Variants in CALN1 observed in about 807,000 individuals in gnomAD.
The protein encoded by CALN1 is calcium-binding protein 8.
Under a neutral mutation model 30.6 loss-of-function variants are expected in CALN1, and 17 were observed. That is an observed-to-expected ratio of 0.56 (90% CI 0.38 to 0.83). The LOEUF (loss-of-function observed/expected upper bound fraction) is 0.83, where lower values mean the gene tolerates loss of function less well. Ranked by LOEUF, CALN1 falls within the 40% of genes least tolerant of loss-of-function variation. The pLI is 0.00. For missense variants in CALN1, 291 were observed against 354.9 expected (o/e 0.82, Z 1.45); for synonymous variants, 156 against 131.4 (o/e 1.19, Z -1.28).
chr7:71,880,117 A>T (rs1285450420), intron 5 of CALN1, among the ~76,000 whole-genome samples: 1 of 152,178 alleles, frequency 6.6e-6, no homozygotes, highest in Admixed American at 6.5e-5. Context: ...AGCCTGGGTG[A>T]TGGAGCAGGA....
chr7:72,143,887 T>C (rs1399912366), intron 3 of CALN1, among the ~76,000 whole-genome samples: 2 of 152,046 alleles, frequency 1.3e-5, no homozygotes, highest in African/African-American at 4.8e-5. Flanking sequence ...GCTTCATAAG[T>C]GAAGGAGAAA....
chr7:72,178,822 AC>A (rs138431042), intron 3 of CALN1, among the ~76,000 whole-genome samples: 24,365 of 152,186 alleles, frequency 0.16, 2,442 homozygotes, highest in East Asian at 0.29. Context: ...TCAGATTTAG[AC>A]CCCATTGAAA....
At chr7:72,237,310 G>C (rs918341132) in intron 3 of CALN1, among the ~76,000 whole-genome samples, 2 of 152,058 alleles carry the variant, frequency 1.3e-5, no homozygotes, top group Non-Finnish European at 2.9e-5. Context: ...ATACCGGTAA[G>C]GGAAGATCAA....
chr7:72,031,711 T>G (rs1801447685), intron 4 of CALN1, among the ~76,000 whole-genome samples: 1 of 151,124 alleles, frequency 6.6e-6, no homozygotes, highest in African/African-American at 2.4e-5. Context: ...AGGACCACAG[T>G]TATGTGCCAC....
intron 1 of CALN1, among the ~76,000 whole-genome samples, chr7:72,405,955 T>C (rs538280230): frequency 6.6e-6 from 1 of 152,164 alleles, no homozygotes; most frequent in South Asian, 2.1e-4. Flanking sequence ...GTCGCCAGGC[T>C]TCTGAGCCCA....
intron 3 of CALN1, among the ~76,000 whole-genome samples, chr7:72,151,039 C>G (rs140923260): frequency 1.1e-3 from 169 of 152,256 alleles, no homozygotes; most frequent in African/African-American, 3.7e-3. Context: ...TGCTATCTCC[C>G]TGGTTAGATT....
chr7:71,969,684 G>A lies in CALN1; in HGVS notation c.501+53973C>T, dbSNP rs533446248. 4.6e-5 allele frequency among the ~76,000 whole-genome samples: 7 copies of A among 152,266 alleles called. No homozygotes were observed. In the South Asian group the frequency reaches 6.2e-4, roughly 14 times the overall value. The stretch of plus-strand genomic sequence containing the variant: ...CTTAGGGAACAGGGAAGTTTATCCC[G>A]GAGAAGAGAAAGAGAGACAGTGAAA... On this transcript the variant is annotated intron_variant, in intron 5 of 6. Coordinates refer to ENST00000395275, the MANE Select transcript of CALN1 (RefSeq NM_031468.4).
At chr7:72,326,296 G>A (rs1402188824) in intron 2 of CALN1, among the ~76,000 whole-genome samples, 3 of 152,200 alleles carry the variant, frequency 2.0e-5, no homozygotes, top group African/African-American at 7.2e-5. Context: ...AAAGGATGAA[G>A]GCTTTAGCTA....
In CALN1 at chr7:72,166,840, C is replaced by G. The variant is rs747413661; in HGVS notation, c.245-60546G>C. Among the ~76,000 whole-genome samples, 22 of 152,118 alleles carry G rather than the reference C, an allele frequency of 1.4e-4. 1 individual carries two copies. Among genetic ancestry groups the G allele is most frequent in the Non-Finnish European group, 2.2e-4 (15 of 68,028 alleles). On this transcript the variant is annotated intron_variant, in intron 3 of 6. Coordinates refer to ENST00000395275, the MANE Select transcript of CALN1 (RefSeq NM_031468.4). The stretch of plus-strand genomic sequence containing the variant: ...GGTGGATCATTTGAGGCCAGGAGTT[C>G]AAGACCAGCTTGGGCAACATGGTGA...
the CALN1 span, among the ~76,000 whole-genome samples, chr7:72,491,160 C>T: frequency 3.3e-5 from 5 of 151,400 alleles, no homozygotes; most frequent in African/African-American, 4.9e-5. Context: ...AGGAGAATGG[C>T]GTGAACCCGG....
At chr7:72,190,845 TA>T (rs79912926) in intron 3 of CALN1, among the ~76,000 whole-genome samples, 97,817 of 151,156 alleles carry the variant, frequency 0.65, 32,127 homozygotes, top group East Asian at 0.98. Flanking sequence ...GATTTATTAT[TA>T]TTTTTTTTCA....
chr7:72,489,241 T>G, the CALN1 span, among the ~76,000 whole-genome samples: 1 of 152,086 alleles, frequency 6.6e-6, no homozygotes, highest in African/African-American at 2.4e-5. Context: ...GGAAAATCAT[T>G]CTCCCTTGAC....
At chr7:72,072,172 A>T (rs1052635582) in intron 4 of CALN1, among the ~76,000 whole-genome samples, 1 of 152,198 alleles carries the variant, frequency 6.6e-6, no homozygotes, top group African/African-American at 2.4e-5. Context: ...CAAGAAGCTC[A>T]ATGAACTTCA....
chr7:72,411,260 G>A (rs891379710), intron 1 of CALN1, among the ~76,000 whole-genome samples: 16 of 152,108 alleles, frequency 1.1e-4, no homozygotes. Flanking sequence ...TAACTACAGA[G>A]AAAACCGTTT....
chr7:71,936,759 A>C (rs1795855333), intron 5 of CALN1, among the ~76,000 whole-genome samples: 1 of 151,968 alleles, frequency 6.6e-6, no homozygotes, highest in Non-Finnish European at 1.5e-5. Context: ...CCCAAATCTC[A>C]TCTTGAATTG....
At chr7:72,017,411 G>C (rs1056577460) in intron 5 of CALN1, among the ~76,000 whole-genome samples, 1 of 152,152 alleles carries the variant, frequency 6.6e-6, no homozygotes, top group Non-Finnish European at 1.5e-5. Flanking sequence ...GCAAGTCAGC[G>C]TGGCAAACAG....
intron 5 of CALN1, among the ~76,000 whole-genome samples, chr7:71,847,724 A>AAGAAGAAAGAG (rs1790358759): frequency 9.6e-6 from 1 of 104,620 alleles, no homozygotes; most frequent in South Asian, 3.7e-4. Context: ...AGAAAGAAGA[A>AAGAAGAAAGAG]GAAAGAAGAA....
At chr7:72,101,536 G>A (rs945430063) in intron 4 of CALN1, among the ~76,000 whole-genome samples, 4 of 152,064 alleles carry the variant, frequency 2.6e-5, no homozygotes, top group African/African-American at 7.2e-5. Context: ...GCTGAGAACC[G>A]CTCACACAAC....
At chr7:72,341,326 C>G (rs1038813327) in intron 2 of CALN1, among the ~76,000 whole-genome samples, 7 of 152,120 alleles carry the variant, frequency 4.6e-5, no homozygotes, top group Non-Finnish European at 1.0e-4. Context: ...GGTTCGACAC[C>G]AGCCTGGCCA....
Sources: gnomAD v4.1 joint callset for allele counts (sites outside exome capture counted in the v4.1 genomes callset) on GRCh38, gnomAD v4.1.1 for gene constraint, MANE v1.5 for transcripts, NCBI Gene and HGNC (gene_info 2026-07-23, HGNC 2026-07-21) for gene names.